DIP2C: variants seen among roughly 807,000 people sequenced by gnomAD.
DIP2C encodes disco-interacting protein 2 homolog C.
Under a neutral mutation model 192.4 loss-of-function variants are expected in DIP2C, and 33 were observed. The ratio of observed to expected loss-of-function variants is 0.17; its 90% confidence interval spans 0.13 to 0.23. The LOEUF (loss-of-function observed/expected upper bound fraction) is 0.23. Among genes scored for constraint, DIP2C ranks in the 10% least tolerant of loss-of-function variants. The pLI, the probability that DIP2C is intolerant of heterozygous loss-of-function variation, is 1.00. For missense variants in DIP2C, 1,537 were observed against 2,110.1 expected, an observed-to-expected ratio of 0.73 and a Z score of 5.32; for synonymous variants, 979 against 864.1, an observed-to-expected ratio of 1.13 and a Z score of -2.33.
At position 659,477 on chromosome 10, in the gene DIP2C, ACT is replaced by A. The variant is rs539582926; in HGVS notation, c.85+30015_85+30016del. ...AAATGTAACTTCTTGTAATTAATAA[ACT>A]CTACTTTACTGCACATTTCTTGATT... On this transcript the variant is annotated intron_variant, in intron 1 of 36. Transcript: ENST00000280886. 3.7e-4 allele frequency among the ~76,000 whole-genome samples: 57 copies of A among 152,302 alleles called. No individual in the cohort carries two copies. In the South Asian group the frequency reaches 0.012, roughly 31 times the overall value.
chr10:379,845 T>C (rs1962165121), intron 17 of DIP2C, among the ~76,000 whole-genome samples: 2 of 152,000 alleles, frequency 1.3e-5, no homozygotes, highest in South Asian at 2.1e-4. Flanking sequence ...CCCTGGAAGA[T>C]GGTTAACACG....
intron 8 of DIP2C, among the ~76,000 whole-genome samples, chr10:409,741 G>A (rs552456018): frequency 3.9e-5 from 6 of 152,328 alleles, no homozygotes; most frequent in African/African-American, 1.4e-4. Context: ...CAAGCCCTGT[G>A]TTTCTCACCT....
chr10:394,398 T>C (rs935249254), intron 10 of DIP2C, among the ~76,000 whole-genome samples: 9 of 149,526 alleles, frequency 6.0e-5, no homozygotes, highest in Non-Finnish European at 1.0e-4. Context: ...AACCCTGCCG[T>C]GTGCTGAACC....
chr10:522,888 G>T lies in DIP2C; in HGVS notation c.86-36358C>A, dbSNP rs141275552. Among the ~76,000 whole-genome samples, 551 of 150,376 alleles carry T rather than the reference G, an allele frequency of 3.7e-3. 3 individuals are homozygous for T. Among genetic ancestry groups the T allele is most frequent in the Non-Finnish European group, 4.4e-3 (295 of 67,594 alleles). On this transcript the variant is annotated intron_variant, in intron 1 of 36. Coordinates refer to ENST00000280886, the MANE Select transcript of DIP2C (RefSeq NM_014974.3). ...GAGTGAGGATACAGGGACTCTGCAT[G>T]ACCAACACGCTCGTTTCTACCTGAG...
At chr10:295,072 A>G (rs544519025) in intron 32 of DIP2C, among the ~76,000 whole-genome samples, 2 of 152,338 alleles carry the variant, frequency 1.3e-5, no homozygotes, top group South Asian at 4.1e-4. Flanking sequence ...AAAATGCTCA[A>G]CATCACAAAT....
intron 2 of DIP2C, among the ~76,000 whole-genome samples, chr10:481,872 G>A (rs532536607): frequency 5.9e-5 from 9 of 152,312 alleles, no homozygotes; most frequent in Middle Eastern, 3.4e-3. Flanking sequence ...CCTCCGTGCC[G>A]CACCCACACA....
chr10:480,097 C>G (rs1233694328), intron 2 of DIP2C, among the ~76,000 whole-genome samples: 2 of 149,272 alleles, frequency 1.3e-5, no homozygotes, highest in Non-Finnish European at 3.0e-5. Flanking sequence ...GAGCTCCGGT[C>G]CACGCTCACT....
intron 1 of DIP2C, among the ~76,000 whole-genome samples, chr10:542,054 A>G (rs1201066952): frequency 6.6e-6 from 1 of 152,020 alleles, no homozygotes; most frequent in East Asian, 1.9e-4. Context: ...GGGAGCCGGC[A>G]CCCACCCCTA....
At chr10:288,490 C>G (rs1179405125) in intron 32 of DIP2C, 69 bp from the exon 33 acceptor site, 9 of 1,519,194 alleles carry the variant, frequency 5.9e-6, no homozygotes, top group Non-Finnish European at 8.2e-6. Flanking sequence ...CCAATTCACA[C>G]GAGGTCACGA....
chr10:591,034 AAC>A (rs1416632481), intron 1 of DIP2C, among the ~76,000 whole-genome samples: 1 of 152,226 alleles, frequency 6.6e-6, no homozygotes, highest in Non-Finnish European at 1.5e-5. Flanking sequence ...CAACACTGCA[AAC>A]ACACATCCAA....
At position 399,200 on chromosome 10, in the gene DIP2C, T is replaced by C. The variant is rs745833428; in HGVS notation, c.1169A>G (p.Asn390Ser). 1 of 1,614,084 alleles carries C rather than the reference T, an allele frequency of 6.2e-7. No individual in the cohort carries two copies. The highest frequency in any genetic ancestry group is 8.5e-7 in the Non-Finnish European group (1 of 1,180,030). ...CGCCATGAAGGCAGCCGGATCATTG[T>C]TGGGGAACACCAGTGCCACCTGTGG... ...PGDRVALVFPNNDPAAFMAAF... is the reference protein window; with the variant it reads ...PGDRVALVFPSNDPAAFMAAF... The change falls in exon 10 of 37, where the codon AAC (asparagine) becomes AGC (serine). Residue 390 changes from asparagine to serine, a missense_variant. By Grantham distance (46) the Asn-to-Ser change is conservative. Transcript: ENST00000280886.
chr10:369,916 G>T, intron 17 of DIP2C: 1 of 1,322,758 alleles, frequency 7.6e-7, no homozygotes, highest in South Asian at 1.6e-5. Context: ...TGCAGGCCCT[G>T]CACAGACCAG....
chr10:472,464 C>A lies in DIP2C; in HGVS notation c.243G>T (p.Gly81=). 1 of 1,614,188 alleles carries A rather than the reference C, an allele frequency of 6.2e-7. No homozygotes were observed. Among genetic ancestry groups the A allele is most frequent in the East Asian group, 2.2e-5 (1 of 44,878 alleles). The change falls in exon 3 of 37, where the codon GGG becomes GGT. Residue 81 remains glycine, a synonymous_variant. Coordinates refer to ENST00000280886, the MANE Select transcript of DIP2C (RefSeq NM_014974.3). ...CTGACCGATAGCGCTCATCTCGTGA[C>A]CCTGAAGACCGTCGGCGGTGGTAGC... ...ASRYHRRRSS[G]SRDERYRSDV...
chr10:498,486 G>C (rs1403232336), intron 1 of DIP2C, among the ~76,000 whole-genome samples: 1 of 152,228 alleles, frequency 6.6e-6, no homozygotes, highest in East Asian at 1.9e-4. Context: ...CCTGCTGACA[G>C]ACCCCACCAG....
At chr10:281,836 AT>A (rs1384085643) in intron 35 of DIP2C, among the ~76,000 whole-genome samples, 1 of 152,232 alleles carries the variant, frequency 6.6e-6, no homozygotes, top group Non-Finnish European at 1.5e-5. Flanking sequence ...GTTCATGAAC[AT>A]TTCCTTAGCT....
At chr10:521,805 T>C (rs1846722700) in intron 1 of DIP2C, among the ~76,000 whole-genome samples, 2 of 152,196 alleles carry the variant, frequency 1.3e-5, no homozygotes, top group Admixed American at 6.5e-5. Context: ...TTTCGGTTCA[T>C]AGCAAAATCG....
chr10:622,297 A>AGGAGGGGGGAGAGGGAAGGGAG (rs1853908282), intron 1 of DIP2C, among the ~76,000 whole-genome samples: 1 of 60,332 alleles, frequency 1.7e-5, no homozygotes, highest in Admixed American at 1.6e-4. Flanking sequence ...GGAGGGAGGG[A>AGGAGGGGGGAGAGGGAAGGGAG]GGAGGGGGGA....
intron 17 of DIP2C, among the ~76,000 whole-genome samples, chr10:371,803 G>A (rs377253718): frequency 2.0e-5 from 3 of 152,320 alleles, no homozygotes; most frequent in East Asian, 3.9e-4. Context: ...ACACCTTGGG[G>A]TCTCCAACTC....
At chr10:513,370 T>A (rs1241948007) in intron 1 of DIP2C, among the ~76,000 whole-genome samples, 2 of 152,248 alleles carry the variant, frequency 1.3e-5, no homozygotes, top group Non-Finnish European at 2.9e-5. Flanking sequence ...TTTAAAATTG[T>A]TTGTCGCGTG....
Sources: gnomAD v4.1 joint callset for allele counts (sites outside exome capture counted in the v4.1 genomes callset) on GRCh38, gnomAD v4.1.1 for gene constraint, MANE v1.5 for transcripts, NCBI Gene and HGNC (gene_info 2026-07-23, HGNC 2026-07-21) for gene names.